The following KLHDC4 variants were observed in gnomAD, a reference collection of about 807,000 sequenced individuals.
The protein encoded by KLHDC4 is kelch domain-containing protein 4.
KLHDC4 carries 90 observed loss-of-function variants against 62.4 expected under a neutral mutation model. The ratio of observed to expected loss-of-function variants is 1.44; its 90% CI spans 1.22 to 1.72. The LOEUF (loss-of-function observed/expected upper bound fraction) is 1.72. Among genes scored for constraint, KLHDC4 ranks in the 40% most tolerant of loss-of-function variants. The pLI, the probability that KLHDC4 is intolerant of heterozygous loss-of-function variation, is 0.00. For synonymous variants in KLHDC4, 386 were observed against 284.4 expected (o/e 1.36, Z -3.59); for missense variants, 1,025 against 699.7 (o/e 1.47, Z -5.25).
chr16:87,711,023 G>A (rs918851550), intron 9 of KLHDC4: 7 of 553,636 alleles, frequency 1.3e-5, no homozygotes, highest in African/African-American at 3.8e-5. Context: ...TAGCAGCCCC[G>A]CCAGCATCCA....
At chr16:87,702,355 G>A (rs1250419083) in exon 1 of KLHDC4, 3 of 447,368 alleles carry the variant, frequency 6.7e-6, no homozygotes, top group South Asian at 3.2e-5. Context: ...GGGTGTGAGG[G>A]TGCAGGGGCA....
At chr16:87,737,550 C>G (rs975503775) in intron 5 of KLHDC4, among the ~76,000 whole-genome samples, 4 of 151,824 alleles carry the variant, frequency 2.6e-5, no homozygotes, top group Admixed American at 6.6e-5. Context: ...ATCACACCAC[C>G]GCACTCCAGC....
exon 1 of KLHDC4, chr16:87,700,896 G>A: frequency 3.8e-6 from 1 of 262,372 alleles, no homozygotes; most frequent in Non-Finnish European, 7.5e-6. Flanking sequence ...GGAGGAAGCT[G>A]GAGGGCGGAA....
chr16:87,709,645 T>C lies in KLHDC4; in HGVS notation c.1067A>G (p.Lys356Arg). Reference sequence around the variant, plus strand: ...CTCCTCTTTTCTGCCCCGCCTGCGTTTCTTCTTTTCAGACTTGGGTCCCTA... The same window carrying C: ...CTCCTCTTTTCTGCCCCGCCTGCGTCTCTTCTTTTCAGACTTGGGTCCCTA... ...QLKGPKSEKK[K>R]RRRGRKEEPE... Residue 356 changes from lysine to arginine, a missense_variant, in exon 10 of 12, where the codon AAA (lysine) becomes AGA (arginine). Coordinates refer to ENST00000270583, the MANE Select transcript of KLHDC4 (RefSeq NM_017566.4). 1 of 1,603,620 alleles carries C rather than the reference T, an allele frequency of 6.2e-7. No individual in the cohort carries two copies. Among genetic ancestry groups the C allele is most frequent in the Admixed American group, 1.7e-5 (1 of 58,566 alleles).
intron 6 of KLHDC4, among the ~76,000 whole-genome samples, chr16:87,729,746 G>A (rs918802258): frequency 5.3e-5 from 8 of 152,120 alleles, no homozygotes; most frequent in African/African-American, 1.4e-4. Context: ...CTGCTCTCCC[G>A]GACAGGAGTG....
rs113977186 is a variant in KLHDC4 at position 87,762,235 on chromosome 16, C to T, written c.100-195G>A. The T allele has an allele frequency of 4.9e-5, 58 of 1,182,666 alleles. No homozygotes were observed. The African/African-American group carries it at 7.8e-4, about 16-fold the overall frequency. 73.3% of individuals were successfully genotyped at this position (1,182,666 alleles called of 1,614,324 possible). On this transcript the variant is annotated intron_variant, in intron 1 of 11. Transcript: ENST00000270583. Reference sequence around the variant, plus strand: ...ACCAGAGCTTGACCTCAAAGGCAGTCTGCTTAAAGGGTAGATGTGTGCACC... The same window carrying T: ...ACCAGAGCTTGACCTCAAAGGCAGTTTGCTTAAAGGGTAGATGTGTGCACC...
rs750259276 is a variant in KLHDC4, at chr16:87,761,960, TG to T, written c.179del (p.Pro60HisfsTer6). ...RTQTVELPCP[P>X]PSPRLNASLS... is the part of the protein sequence containing the mutation. ...TGCTACTTGCTCACCTTGGTGAGGGTGGGGGGCACGGAAGTTCCACAGTCTG... is the reference window on the plus strand; with the variant it reads ...TGCTACTTGCTCACCTTGGTGAGGGTGGGGGCACGGAAGTTCCACAGTCTG... On this transcript the variant is annotated frameshift_variant, in exon 2 of 12. Coordinates refer to ENST00000270583, the MANE Select transcript of KLHDC4 (RefSeq NM_017566.4). LOFTEE classifies it high-confidence loss of function. 8 of 1,613,380 alleles carry T rather than the reference TG, an allele frequency of 5.0e-6. No homozygotes were observed. The Admixed American group carries it at 8.3e-5, about 17-fold the overall frequency.
chr16:87,706,059 G>A (rs1438064483), downstream of KLHDC4, among the ~76,000 whole-genome samples: 3 of 151,338 alleles, frequency 2.0e-5, no homozygotes, highest in African/African-American at 4.9e-5. Flanking sequence ...AGGAGGGGTC[G>A]GCGGAACGCA....
intron 5 of KLHDC4, among the ~76,000 whole-genome samples, chr16:87,741,688 T>TA (rs1046335436): frequency 6.6e-6 from 1 of 152,140 alleles, no homozygotes; most frequent in Non-Finnish European, 1.5e-5. Context: ...GCATCGCTGT[T>TA]AAAAATGACC....
intron 5 of KLHDC4, among the ~76,000 whole-genome samples, chr16:87,736,041 C>T (rs1402775072): frequency 1.3e-5 from 2 of 152,246 alleles, no homozygotes; most frequent in South Asian, 4.1e-4. Flanking sequence ...CAAAATTATA[C>T]AACATACAGT....
chr16:87,711,222 G>C lies in KLHDC4; in HGVS notation c.1044+13C>G, dbSNP rs991415903. ...TGCGCACCACGGCGCATGCTACTCA[G>C]AGGTTGCACTACCTTCAGCTGTCCC... is the stretch of plus-strand genomic sequence containing the variant. On this transcript the variant is annotated intron_variant, in intron 9 of 11. Coordinates refer to ENST00000270583, the MANE Select transcript of KLHDC4 (RefSeq NM_017566.4). 23 of 1,613,554 alleles carry C rather than the reference G, an allele frequency of 1.4e-5. No homozygotes were observed. The highest frequency in any genetic ancestry group is 1.9e-5 in the Non-Finnish European group (22 of 1,179,856).
At chr16:87,728,702 T>C (rs1351849761) in intron 6 of KLHDC4, among the ~76,000 whole-genome samples, 1 of 152,146 alleles carries the variant, frequency 6.6e-6, no homozygotes, top group African/African-American at 2.4e-5. Context: ...AACATAAGGC[T>C]AGGCGCGGGG....
chr16:87,741,896 G>T (rs545298224), intron 5 of KLHDC4, among the ~76,000 whole-genome samples: 2 of 152,200 alleles, frequency 1.3e-5, no homozygotes, highest in Non-Finnish European at 2.9e-5. Context: ...TGAATGCGCA[G>T]TGCAGGGCTG....
At chr16:87,705,531 A>T (rs2034561980), downstream of KLHDC4, among the ~76,000 whole-genome samples, 2 of 152,260 alleles carry the variant, frequency 1.3e-5, no homozygotes, top group Non-Finnish European at 2.9e-5. Flanking sequence ...AAGAAAGTGT[A>T]CAAGAAGTTT....
rs1008266459 is a variant in KLHDC4, at chr16:87,737,319, G to T, written c.507-6675C>A. Among the ~76,000 whole-genome samples, 9 of 152,008 alleles carry T rather than the reference G, an allele frequency of 5.9e-5. No individual in the cohort carries two copies. The East Asian group carries it at 1.8e-3, about 30-fold the overall frequency. On this transcript the variant is annotated intron_variant, in intron 5 of 11. Coordinates refer to ENST00000270583, the MANE Select transcript of KLHDC4 (RefSeq NM_017566.4). Reference sequence around the variant, plus strand: ...CCACTTACCCTAGGCCAGGGGCGGTGGCTCACGCCTGTAATCCCAGCACTT... The same window carrying T: ...CCACTTACCCTAGGCCAGGGGCGGTTGCTCACGCCTGTAATCCCAGCACTT...
rs573554514 is a variant in KLHDC4, at chr16:87,741,897, TGCA to T, written c.506+6773_506+6775del. ...TATTCACTAAAAAATGAATGCGCAG[TGCA>T]GGGCTGCGTCATGGTAGCAACGCCT... On this transcript the variant is annotated intron_variant, in intron 5 of 11. Transcript: ENST00000270583. Among the ~76,000 whole-genome samples the T allele has an allele frequency of 1.5e-3, 235 of 152,312 alleles. 1 individual carries two copies. The highest frequency in any genetic ancestry group is 5.5e-3 in the African/African-American group (230 of 41,576).
At chr16:87,702,530 G>T (rs1027754692) in exon 1 of KLHDC4, 3 of 355,136 alleles carry the variant, frequency 8.4e-6, no homozygotes, top group African/African-American at 4.3e-5. Flanking sequence ...TGGCCTCCTC[G>T]GGGGCAGGCG....
intron 1 of KLHDC4, among the ~76,000 whole-genome samples, chr16:87,764,442 G>C (rs933162105): frequency 6.6e-6 from 1 of 151,930 alleles, no homozygotes; most frequent in Non-Finnish European, 1.5e-5. Flanking sequence ...CTGAGGTCAG[G>C]AGTCCCAGAC....
At chr16:87,727,827 CCT>C (rs2039643104) in intron 6 of KLHDC4, among the ~76,000 whole-genome samples, 1 of 152,146 alleles carries the variant, frequency 6.6e-6, no homozygotes, top group African/African-American at 2.4e-5. Context: ...CCTGTTTGTT[CCT>C]GTTTTGTGTG....
Sources: allele counts gnomAD v4.1 joint callset (sites outside exome capture counted in the v4.1 genomes callset), GRCh38; gene constraint gnomAD v4.1.1; transcripts MANE v1.5; gene names NCBI Gene and HGNC (gene_info 2026-07-23, HGNC 2026-07-21).